The following RYR3 variants were observed in gnomAD, a reference collection of about 807,000 sequenced individuals.
RYR3 encodes brain ryanodine receptor-calcium release channel.
A neutral mutation model predicts 584.3 loss-of-function variants in RYR3; 207 were observed. The observed-to-expected ratio is 0.35, with a 90% CI of 0.32 to 0.40. RYR3 has a LOEUF of 0.40. RYR3 is among the 10% of genes least tolerant of loss of function. The pLI, the probability that RYR3 is intolerant of heterozygous loss-of-function variation, is 1.00. For missense variants in RYR3, 5,616 were observed against 6,089.2 expected (o/e 0.92, Z 2.59); for synonymous variants, 2,416 against 2,248.5 (o/e 1.07, Z -2.11).
At chr15:33,352,437 C>T (rs937798780) in intron 1 of RYR3, among the ~76,000 whole-genome samples, 1 of 151,928 alleles carries the variant, frequency 6.6e-6, no homozygotes, top group Non-Finnish European at 1.5e-5. Context: ...TTTCTTCTTC[C>T]CCTTTCTATA....
At chr15:33,671,325 T>A in intron 38 of RYR3, among the ~76,000 whole-genome samples, 1 of 152,220 alleles carries the variant, frequency 6.6e-6, no homozygotes, top group East Asian at 1.9e-4. Flanking sequence ...TCAGGTTTAA[T>A]ATCGTTGCTT....
At chr15:33,333,230 A>T (rs1249797084) in intron 1 of RYR3, among the ~76,000 whole-genome samples, 1 of 152,184 alleles carries the variant, frequency 6.6e-6, no homozygotes, top group African/African-American at 2.4e-5. Context: ...CATCATCTTG[A>T]TATCAAAACC....
intron 91 of RYR3, among the ~76,000 whole-genome samples, 177 bp from the exon 92 acceptor site, chr15:33,843,311 C>A (rs2078497048): frequency 6.6e-6 from 1 of 151,648 alleles, no homozygotes; most frequent in African/African-American, 2.4e-5. Flanking sequence ...CAGAGCGAGA[C>A]TCCATCTCAA....
intron 1 of RYR3, among the ~76,000 whole-genome samples, chr15:33,467,719 C>A (rs2142155621): frequency 6.6e-6 from 1 of 152,318 alleles, no homozygotes; most frequent in Non-Finnish European, 1.5e-5. Flanking sequence ...GTGTGAACCA[C>A]ATAGCTTGGA....
intron 31 of RYR3, 147 bp from the exon 32 acceptor site, chr15:33,652,571 A>G (rs1595985313): frequency 1.3e-6 from 1 of 779,852 alleles, no homozygotes; most frequent in Non-Finnish European, 2.1e-6. Flanking sequence ...AAATAAACTC[A>G]TTTAAGGAAA....
intron 94 of RYR3, 165 bp from the exon 95 acceptor site, chr15:33,852,880 A>G: frequency 1.6e-6 from 1 of 629,878 alleles, no homozygotes; most frequent in Non-Finnish European, 2.8e-6. Flanking sequence ...ATGACTCAGT[A>G]GAGCCTGTGA....
intron 67 of RYR3, among the ~76,000 whole-genome samples, chr15:33,794,712 T>C (rs35477217): frequency 0.58 from 88,488 of 151,920 alleles, 27,733 homozygotes; most frequent in East Asian, 0.96. Context: ...CCCAGAGCAT[T>C]ACGGTCATAT....
chr15:33,336,440 AAG>A (rs1204873404), intron 1 of RYR3, among the ~76,000 whole-genome samples: 376 of 12,124 alleles, frequency 0.031, 42 homozygotes, highest in Admixed American at 0.069. Flanking sequence ...GAAAGAAAGA[AAG>A]AGAGAGAGAG....
At chr15:33,431,221 A>G (rs2045112590) in intron 1 of RYR3, among the ~76,000 whole-genome samples, 1 of 152,228 alleles carries the variant, frequency 6.6e-6, no homozygotes, top group African/African-American at 2.4e-5. Context: ...TAACAAAAGC[A>G]AAAGTACTCC....
intron 93 of RYR3, among the ~76,000 whole-genome samples, chr15:33,845,278 G>C (rs764981575): frequency 6.6e-6 from 1 of 152,076 alleles, no homozygotes; most frequent in Non-Finnish European, 1.5e-5. Context: ...TTTGAGATGG[G>C]TTTCGCTCTT....
intron 43 of RYR3, among the ~76,000 whole-genome samples, chr15:33,711,026 C>T (rs2152792590): frequency 6.6e-6 from 1 of 152,286 alleles, no homozygotes; most frequent in East Asian, 1.9e-4. Flanking sequence ...TTTAGTCATG[C>T]AAATATCTCT....
Position 33,768,664 on chromosome 15 carries a change from C to T in RYR3, c.8712C>T (p.Phe2904=), listed in dbSNP as rs772042275. Residue 2904 remains phenylalanine, a synonymous_variant, in exon 61 of 104, where the codon TTC becomes TTT. Transcript: ENST00000634891. ...GCTTTCTTTTCTGCTTCAGCCTGTT[C>T]TGCAAACTTGCCGCTCTCGTTAGAC... ...HKEKEMVAGL[F]CKLAALVRHR... 1 of 1,613,974 alleles carries T rather than the reference C, an allele frequency of 6.2e-7. No homozygotes were observed. The highest frequency in any genetic ancestry group is 1.7e-5 in the Admixed American group (1 of 60,022).
In RYR3 at chr15:33,527,101, A is replaced by C. The variant is rs2054453945; in HGVS notation, c.280-3491A>C. On this transcript the variant is annotated intron_variant, in intron 3 of 103. Coordinates refer to ENST00000634891, the MANE Select transcript of RYR3 (RefSeq NM_001036.6). Reference sequence around the variant, plus strand: ...TGGAGAGCGTGCTGCTGGCAGGTGAAGTTAGAGAGGTATGAGGGAACCAGG... The same window carrying C: ...TGGAGAGCGTGCTGCTGGCAGGTGACGTTAGAGAGGTATGAGGGAACCAGG... Among the ~76,000 whole-genome samples, 3 of 152,062 alleles carry C rather than the reference A, an allele frequency of 2.0e-5. No homozygotes were observed. In the South Asian group the frequency reaches 6.2e-4, roughly 32 times the overall value.
At chr15:33,482,972 A>AT (rs1041859432) in intron 2 of RYR3, among the ~76,000 whole-genome samples, 2 of 151,994 alleles carry the variant, frequency 1.3e-5, no homozygotes, top group African/African-American at 4.8e-5. Flanking sequence ...TTCTTCAACT[A>AT]TTTTTTTATC....
At chr15:33,574,812 C>T (rs1248143446) in intron 12 of RYR3, among the ~76,000 whole-genome samples, 6 of 152,060 alleles carry the variant, frequency 3.9e-5, no homozygotes, top group South Asian at 4.2e-4. Context: ...GCTAAATGCT[C>T]CAATTAAAAG....
At position 33,311,598 on chromosome 15, in the gene RYR3, C is replaced by T. The variant is rs1967301494; in HGVS notation, c.51+502C>T. 6.6e-6 allele frequency among the ~76,000 whole-genome samples: 1 copy of T among 152,180 alleles called. No homozygotes were observed. The highest frequency in any genetic ancestry group is 2.4e-5 in the African/African-American group (1 of 41,452). On this transcript the variant is annotated intron_variant, in intron 1 of 103. Coordinates refer to ENST00000634891, the MANE Select transcript of RYR3 (RefSeq NM_001036.6). This position sits in a 1 kb window ranked among gnomAD's most constrained non-coding sequence, Gnocchi z 4.4. ...AGTGTGGGGAGCCGGGTCGGAGAAG[C>T]GGGCGCAGGCGCTTGGTCCTAGCCC...
In RYR3 at chr15:33,702,890, G is replaced by T. The variant is rs139385807; in HGVS notation, c.6483+1810G>T. Among the ~76,000 whole-genome samples, 37 of 152,250 alleles carry T rather than the reference G, an allele frequency of 2.4e-4. No homozygotes were observed. In the East Asian group the frequency reaches 4.4e-3, roughly 18 times the overall value. On this transcript the variant is annotated intron_variant, in intron 42 of 103. Coordinates refer to ENST00000634891, the MANE Select transcript of RYR3 (RefSeq NM_001036.6). ...CTGAGAAGCTGAGAGGGAAAATTGA[G>T]AAATAAATACACATTTTTTTCTTCG...
At chr15:33,465,558 G>T (rs997773185) in intron 1 of RYR3, among the ~76,000 whole-genome samples, 1 of 151,512 alleles carries the variant, frequency 6.6e-6, no homozygotes, top group Non-Finnish European at 1.5e-5. Flanking sequence ...GGACCTTGTA[G>T]GCCATAGTAA....
intron 63 of RYR3, 138 bp downstream of exon 63, chr15:33,772,296 AAAGAAG>A (rs57592758): frequency 3.0e-4 from 172 of 564,924 alleles, no homozygotes; most frequent in African/African-American, 1.4e-3. Flanking sequence ...TTAGATTAAA[AAAGAAG>A]AAGAAGAAGA....
Sources: allele counts gnomAD v4.1 joint callset (sites outside exome capture counted in the v4.1 genomes callset), GRCh38; gene constraint gnomAD v4.1.1; non-coding constraint Gnocchi (gnomAD v3.1); transcripts MANE v1.5; gene names NCBI Gene and HGNC (gene_info 2026-07-23, HGNC 2026-07-21).